The following UPP2 variants were observed in gnomAD, a reference collection of about 807,000 sequenced individuals.
UPP2 encodes the protein UPase 2.
In UPP2, 23 loss-of-function variants were observed where a neutral mutation model predicts 26.7. The ratio of observed to expected loss-of-function variants is 0.86; its 90% CI spans 0.62 to 1.22. UPP2 has a LOEUF of 1.22. Among genes scored for constraint, UPP2 ranks in the 50% most tolerant of loss-of-function variants. UPP2 has a pLI of 0.00. For synonymous variants in UPP2, 127 were observed against 141.3 expected (o/e 0.90, Z 0.72); for missense variants, 387 against 396.7 (o/e 0.98, Z 0.21).
At chr2:158,134,619 C>T in intron 6 of UPP2, 129 bp from the exon 7 acceptor site, 2 of 1,161,750 alleles carry the variant, frequency 1.7e-6, no homozygotes, top group South Asian at 2.3e-5. Flanking sequence ...TAGGTTGCAT[C>T]TACATTACAA....
rs1683474296 is a variant in UPP2 at position 158,117,846 on chromosome 2, T to C, written c.362T>C (p.Ile121Thr). ...TAGCACGGCATGGGCATCCCCTCCATTTCTATTATGCTTCATGAACTCATC... is the reference window on the plus strand; with the variant it reads ...TAGCACGGCATGGGCATCCCCTCCACTTCTATTATGCTTCATGAACTCATC... Reference protein sequence around the residue: ...AISHGMGIPSISIMLHELIKL... With the variant: ...AISHGMGIPSTSIMLHELIKL... Residue 121 changes from isoleucine (I) to threonine (T), a missense_variant, in exon 4 of 7, where the codon ATT (isoleucine) becomes ACT (threonine). Physicochemically the swap from Ile to Thr is moderately conservative, Grantham distance 89. Coordinates refer to ENST00000005756, the MANE Select transcript of UPP2 (RefSeq NM_173355.4). 1.2e-6 allele frequency: 2 copies of C among 1,612,588 alleles called. No homozygotes were observed.
chr2:158,117,385 T>C (rs1400154885), intron 3 of UPP2, among the ~76,000 whole-genome samples: 1 of 152,066 alleles, frequency 6.6e-6, no homozygotes, highest in Non-Finnish European at 1.5e-5. Flanking sequence ...TGAAATGGAT[T>C]CACTATTTCA....
chr2:158,116,688 T>A (rs1683438171), intron 3 of UPP2, among the ~76,000 whole-genome samples: 1 of 152,240 alleles, frequency 6.6e-6, no homozygotes, highest in Non-Finnish European at 1.5e-5. Context: ...ATGTCTGAAC[T>A]AGAAGGAATC....
chr2:158,092,570 T>C (rs964941581), intron 3 of UPP2, among the ~76,000 whole-genome samples: 9 of 152,166 alleles, frequency 5.9e-5, no homozygotes, highest in Admixed American at 1.3e-4. Flanking sequence ...TATTATATAA[T>C]GTACTTTAGA....
chr2:158,086,330 T>C (rs1273655380), intron 3 of UPP2, among the ~76,000 whole-genome samples: 4 of 152,176 alleles, frequency 2.6e-5, no homozygotes, highest in Non-Finnish European at 5.9e-5. Flanking sequence ...GTGGTATTGG[T>C]TGTAGTATCT....
Position 158,117,898 on chromosome 2 carries a change from C to T in UPP2, c.414C>T (p.Cys138=), listed in dbSNP as rs200079183. ...AATTACTCCACCATGCACGGTGCTG[C>T]GATGTCACCATTATTAGAATCGGTA... is the stretch of plus-strand genomic sequence containing the variant. ...LIKLLHHARC[C]DVTIIRIGTS... is the part of the protein sequence containing the mutation. Residue 138 remains cysteine (C), a synonymous_variant, in exon 4 of 7, where the codon TGC becomes TGT. Coordinates refer to ENST00000005756, the MANE Select transcript of UPP2 (RefSeq NM_173355.4). The T allele has an allele frequency of 1.5e-4, 245 of 1,612,756 alleles. 7 individuals carry two copies. The highest frequency in any genetic ancestry group is 2.1e-4 in the South Asian group (19 of 91,052).
intron 3 of UPP2, among the ~76,000 whole-genome samples, chr2:158,036,241 A>G (rs966625522): frequency 2.8e-4 from 42 of 152,214 alleles, no homozygotes; most frequent in African/African-American, 9.9e-4. Context: ...ACATTCTGTT[A>G]TTAAAGTTAT....
intron 3 of UPP2, among the ~76,000 whole-genome samples, chr2:158,026,762 A>T (rs1198267208): frequency 6.6e-6 from 1 of 152,212 alleles, no homozygotes; most frequent in African/African-American, 2.4e-5. Context: ...TGCCGCTGAT[A>T]AAGACATACC....
chr2:158,079,015 T>A (rs930919665), intron 3 of UPP2, among the ~76,000 whole-genome samples: 1 of 152,156 alleles, frequency 6.6e-6, no homozygotes, highest in African/African-American at 2.4e-5. Flanking sequence ...ACTGTTTTCA[T>A]GACAGTGAGT....
At chr2:158,115,859 G>C (rs1683419434) in intron 3 of UPP2, among the ~76,000 whole-genome samples, 4 of 152,336 alleles carry the variant, frequency 2.6e-5, no homozygotes, top group African/African-American at 9.6e-5. Context: ...TATGTGCATA[G>C]GCATCCCATT....
intron 3 of UPP2, among the ~76,000 whole-genome samples, chr2:158,063,829 G>A (rs1682392408): frequency 6.6e-6 from 1 of 152,098 alleles, no homozygotes; most frequent in East Asian, 1.9e-4. Context: ...TCCCACTTAT[G>A]AGTGAGAACA....
At chr2:158,048,619 A>C (rs1459031538) in intron 3 of UPP2, among the ~76,000 whole-genome samples, 2 of 152,194 alleles carry the variant, frequency 1.3e-5, no homozygotes, top group African/African-American at 4.8e-5. Flanking sequence ...ACACTACCAC[A>C]ACAACAACAA....
intron 3 of UPP2, among the ~76,000 whole-genome samples, chr2:158,067,180 A>G (rs1434956871): frequency 6.6e-6 from 1 of 151,872 alleles, no homozygotes; most frequent in Non-Finnish European, 1.5e-5. Flanking sequence ...TGGATACTTG[A>G]TAATTTGTTT....
At chr2:158,026,322 A>G (rs1683832383) in intron 3 of UPP2, among the ~76,000 whole-genome samples, 1 of 152,044 alleles carries the variant, frequency 6.6e-6, no homozygotes, top group South Asian at 2.1e-4. Flanking sequence ...TCTCAAGCAG[A>G]AAGTAGGACA....
At position 158,032,377 on chromosome 2, in the gene UPP2, G is replaced by A. The variant is rs148245290; in HGVS notation, c.147+16491G>A. On this transcript the variant is annotated intron_variant, in intron 3 of 9. Coordinates refer to the UPP2 transcript ENST00000605860. ...GCTAAGTTGTGGTGAAAAGTTCTGG[G>A]TTTGAACTGGGGAGTCAAACAGGTA... 3.0e-3 allele frequency among the ~76,000 whole-genome samples: 455 copies of A among 152,210 alleles called. 2 individuals carry two copies. Among genetic ancestry groups the A allele is most frequent in the Non-Finnish European group, 3.4e-3 (229 of 68,010 alleles).
intron 1 of UPP2, 50 bp from the exon 2 acceptor site, chr2:158,106,049 C>G (rs1250691496): frequency 7.3e-6 from 10 of 1,375,186 alleles, no homozygotes; most frequent in East Asian, 2.5e-5. Context: ...TTCTTGTGAG[C>G]TTTCTCTCAA....
chr2:158,131,854 C>T (rs914952225), intron 6 of UPP2, among the ~76,000 whole-genome samples: 5 of 152,174 alleles, frequency 3.3e-5, no homozygotes, highest in East Asian at 1.9e-4. Context: ...ATATGCTGCT[C>T]GCTAGTGGAT....
At chr2:158,127,497 T>C (rs992864504) in intron 6 of UPP2, among the ~76,000 whole-genome samples, 1 of 152,048 alleles carries the variant, frequency 6.6e-6, no homozygotes, top group Non-Finnish European at 1.5e-5. Flanking sequence ...TTTTTGACTA[T>C]GGAAAATGGC....
chr2:158,008,700 T>G (rs1024285564), intron 2 of UPP2, among the ~76,000 whole-genome samples: 3 of 152,248 alleles, frequency 2.0e-5, no homozygotes, highest in African/African-American at 7.2e-5. Flanking sequence ...TCATTACATA[T>G]TCATTATTTT....
Sources: allele counts gnomAD v4.1 joint callset (sites outside exome capture counted in the v4.1 genomes callset), GRCh38; gene constraint gnomAD v4.1.1; transcripts MANE v1.5; gene names NCBI Gene and HGNC (gene_info 2026-07-23, HGNC 2026-07-21).